Variants in FAM184B observed in about 807,000 individuals in gnomAD.
The protein encoded by FAM184B is family with sequence similarity 184 member B, also known as protein FAM184B.
A neutral mutation model predicts 135.9 loss-of-function variants in FAM184B; 111 were observed. The ratio of observed to expected loss-of-function variants is 0.82; its 90% CI spans 0.70 to 0.96. The LOEUF is 0.96. Ranked by LOEUF, FAM184B falls within the 40% of genes least tolerant of loss-of-function variation. The probability of loss-of-function intolerance (pLI) is 0.00; values close to 1 mark genes in which losing one functional copy is unlikely to be tolerated. For synonymous variants in FAM184B, 552 were observed against 524.8 expected, an observed-to-expected ratio of 1.05 and a Z score of -0.71; for missense variants, 1,375 against 1,323.9, an observed-to-expected ratio of 1.04 and a Z score of -0.60.
rs368130934 is a variant in FAM184B at position 17,658,321 on chromosome 4, C to T, written c.2037+29G>A. 4 of 1,548,910 alleles carry T rather than the reference C, an allele frequency of 2.6e-6. No individual in the cohort carries two copies. The African/African-American group carries it at 5.5e-5, about 21-fold the overall frequency. On this transcript the variant is annotated intron_variant, in intron 10 of 17. Coordinates refer to ENST00000265018, the MANE Select transcript of FAM184B (RefSeq NM_015688.2). ...GTTCTCACCTAGCAGGTGCCCGGCA[C>T]AGAGTAGACGGCACAGTCATTCCCT...
intron 7 of FAM184B, among the ~76,000 whole-genome samples, chr4:17,684,073 T>C: frequency 2.0e-5 from 1 of 50,282 alleles, no homozygotes; most frequent in East Asian, 6.0e-4. Flanking sequence ...GTCTCAAGAA[T>C]AATAATAATA....
At chr4:17,736,372 C>A (rs936986276) in intron 1 of FAM184B, among the ~76,000 whole-genome samples, 1 of 152,118 alleles carries the variant, frequency 6.6e-6, no homozygotes, top group South Asian at 2.1e-4. Context: ...GAATCTTAAT[C>A]GTTACTCAAT....
intron 7 of FAM184B, among the ~76,000 whole-genome samples, chr4:17,676,741 C>G (rs1716317526): frequency 1.3e-5 from 2 of 152,130 alleles, no homozygotes; most frequent in African/African-American, 4.8e-5. Flanking sequence ...TAAACATTAT[C>G]TTTTCTATGT....
At chr4:17,707,561 C>A in intron 3 of FAM184B, 88 bp downstream of exon 3, 1 of 1,505,816 alleles carries the variant, frequency 6.6e-7, no homozygotes, top group South Asian at 1.3e-5. Context: ...CTCTCTGCTC[C>A]CTTAGCAGGC....
intron 1 of FAM184B, among the ~76,000 whole-genome samples, chr4:17,732,104 G>T (rs1717795079): frequency 6.6e-6 from 1 of 152,176 alleles, no homozygotes; most frequent in South Asian, 2.1e-4. Flanking sequence ...ATAACGAAAT[G>T]AAGGCAGAAA....
At chr4:17,682,918 G>C (rs138498295) in intron 7 of FAM184B, among the ~76,000 whole-genome samples, 2 of 152,250 alleles carry the variant, frequency 1.3e-5, no homozygotes, top group African/African-American at 4.8e-5. Context: ...GAACATCACT[G>C]GGGAAGTTGT....
At position 17,642,161 on chromosome 4, in the gene FAM184B, C is replaced by T. The variant is rs1715341728; in HGVS notation, c.2414G>A (p.Cys805Tyr). 1 of 1,533,128 alleles carries T rather than the reference C, an allele frequency of 6.5e-7. No homozygotes were observed. The highest frequency in any genetic ancestry group is 8.7e-7 in the Non-Finnish European group (1 of 1,145,426). The allele number at this position is 1,533,128 out of a possible 1,614,324, so 95.0% of individuals were successfully genotyped here. Residue 805 changes from cysteine to tyrosine, a missense_variant, in exon 13 of 18, where the codon TGC (cysteine) becomes TAC (tyrosine). Physicochemically the swap from Cys to Tyr is radical, Grantham distance 194. Coordinates refer to ENST00000265018, the MANE Select transcript of FAM184B (RefSeq NM_015688.2). ...GAAGQGSGEG[C>Y]GLWEENAQLQ... ...CTGCGCGTTCTCCTCCCAGAGCCCG[C>T]ATCCCTCGCCGGAACCCTGCCCAGC...
intron 12 of FAM184B, 114 bp from the exon 13 acceptor site, chr4:17,642,342 G>GGA: frequency 7.3e-7 from 1 of 1,375,412 alleles, no homozygotes. Flanking sequence ...CGCCCAGGCT[G>GGA]GAGCCTGTGG....
chr4:17,697,666 A>G (rs969039731), intron 5 of FAM184B, among the ~76,000 whole-genome samples: 1 of 152,228 alleles, frequency 6.6e-6, no homozygotes, highest in African/African-American at 2.4e-5. Flanking sequence ...TTTGTTTAAC[A>G]TGCTTTAATA....
chr4:17,671,771 A>G (rs1716173117), intron 7 of FAM184B, among the ~76,000 whole-genome samples: 2 of 152,048 alleles, frequency 1.3e-5, no homozygotes, highest in South Asian at 4.1e-4. Flanking sequence ...ACAAAGTGAG[A>G]ATTTCAACAG....
chr4:17,756,463 A>T (rs761005628), intron 1 of FAM184B, among the ~76,000 whole-genome samples: 6 of 152,332 alleles, frequency 3.9e-5, no homozygotes, highest in Non-Finnish European at 8.8e-5. Flanking sequence ...AAAAAACCTC[A>T]TTGGTCATCT....
In FAM184B at chr4:17,635,091, G is replaced by A. The variant is rs938448203; in HGVS notation, c.2807C>T (p.Ala936Val). 34 of 1,551,510 alleles carry A rather than the reference G, an allele frequency of 2.2e-5. No homozygotes were observed. Among genetic ancestry groups the A allele is most frequent in the Non-Finnish European group, 2.8e-5 (32 of 1,146,892 alleles). The change falls in exon 16 of 18, where the codon GCA (alanine) becomes GTA (valine). Residue 936 changes from alanine (A) to valine (V), a missense_variant. Transcript: ENST00000265018. Reference sequence around the variant, plus strand: ...GTGGGACATGGCACTGGGGAATGCTGCGTAGTGAAATCTTCTCTCTTCCTA... The same window carrying A: ...GTGGGACATGGCACTGGGGAATGCTACGTAGTGAAATCTTCTCTCTTCCTA... ...QLTEERRFHYAAFPSAMSHRN... is the reference protein window; with the variant it reads ...QLTEERRFHYVAFPSAMSHRN...
chr4:17,672,658 C>G (rs139308766), intron 7 of FAM184B, among the ~76,000 whole-genome samples: 1,882 of 152,096 alleles, frequency 0.012, 13 homozygotes, highest in South Asian at 0.02. Context: ...GGTTTTAATT[C>G]TGTTTATGTG....
chr4:17,734,370 A>G (rs1389554662), intron 1 of FAM184B, among the ~76,000 whole-genome samples: 1 of 152,170 alleles, frequency 6.6e-6, no homozygotes, highest in Non-Finnish European at 1.5e-5. Flanking sequence ...ACAGCAAAAG[A>G]AACTACCATC....
At chr4:17,636,688 TACTC>T (rs1415618648) in intron 14 of FAM184B, 43 bp from the exon 15 acceptor site, 1 of 1,437,232 alleles carries the variant, frequency 7.0e-7, no homozygotes, top group Non-Finnish European at 9.4e-7. Context: ...TTACAGCAAT[TACTC>T]AACAAAGAGG....
intron 8 of FAM184B, among the ~76,000 whole-genome samples, chr4:17,662,598 A>G (rs986617579): frequency 6.6e-6 from 1 of 151,974 alleles, no homozygotes; most frequent in Non-Finnish European, 1.5e-5. Flanking sequence ...TCGGCCTCCC[A>G]AAGTGCTGGG....
At chr4:17,669,079 T>A (rs993367361) in intron 7 of FAM184B, among the ~76,000 whole-genome samples, 4 of 152,210 alleles carry the variant, frequency 2.6e-5, no homozygotes, top group Non-Finnish European at 5.9e-5. Context: ...TTTCATAGCC[T>A]GAGTCCTCCC....
At chr4:17,686,517 G>A (rs533420726) in intron 7 of FAM184B, among the ~76,000 whole-genome samples, 1 of 152,370 alleles carries the variant, frequency 6.6e-6, no homozygotes, top group South Asian at 2.1e-4. Context: ...CTCTTATGGA[G>A]AGAGGAGGGG....
intron 5 of FAM184B, among the ~76,000 whole-genome samples, chr4:17,697,701 A>T (rs1716897209): frequency 6.6e-6 from 1 of 152,254 alleles, no homozygotes; most frequent in African/African-American, 2.4e-5. Flanking sequence ...TAACATTGCC[A>T]AGATGTGTTC....
Sources: gnomAD v4.1 joint callset for allele counts (sites outside exome capture counted in the v4.1 genomes callset) on GRCh38, gnomAD v4.1.1 for gene constraint, MANE v1.5 for transcripts, NCBI Gene and HGNC (gene_info 2026-07-23, HGNC 2026-07-21) for gene names.